Variants in CNTNAP5 observed in about 807,000 individuals in gnomAD.
CNTNAP5 encodes contactin associated protein family member 5, also known as contactin-associated protein-like 5.
Under a neutral mutation model 150.2 loss-of-function variants are expected in CNTNAP5, and 72 were observed. The observed-to-expected ratio is 0.48, with a 90% CI of 0.40 to 0.58. The LOEUF is 0.58. Among genes scored for constraint, CNTNAP5 ranks in the 20% least tolerant of loss-of-function variants. The probability of loss-of-function intolerance (pLI) is 0.00; values close to 1 mark genes in which losing one functional copy is unlikely to be tolerated. For missense variants in CNTNAP5, 1,636 were observed against 1,626.2 expected (o/e 1.01, Z -0.10); for synonymous variants, 672 against 619.8 (o/e 1.08, Z -1.25).
intron 7 of CNTNAP5, among the ~76,000 whole-genome samples, chr2:124,501,794 G>T (rs2104860450): frequency 6.6e-6 from 1 of 152,334 alleles, no homozygotes; most frequent in East Asian, 1.9e-4. Context: ...AGGAAACTGA[G>T]CTGCCAACAC....
At chr2:124,749,347 CTCCTTCCCTCTCTCCG>C (rs1463781223) in intron 14 of CNTNAP5, among the ~76,000 whole-genome samples, 5 of 151,682 alleles carry the variant, frequency 3.3e-5, no homozygotes, top group South Asian at 2.1e-4. Flanking sequence ...CCCCTCCCTC[CTCCTTCCCTCTCTCCG>C]TCCTTCCCTC....
chr2:124,530,753 C>G (rs1235465182), intron 10 of CNTNAP5, among the ~76,000 whole-genome samples: 2 of 152,134 alleles, frequency 1.3e-5, no homozygotes, highest in Non-Finnish European at 2.9e-5. Context: ...ACACTGTGCC[C>G]TGTTCACGGT....
At chr2:124,553,503 CAAAA>C (rs34211914) in intron 10 of CNTNAP5, among the ~76,000 whole-genome samples, 13 of 119,516 alleles carry the variant, frequency 1.1e-4, no homozygotes, top group East Asian at 2.7e-4. Context: ...GACTCTGTCT[CAAAA>C]AAAAAAAAAA....
intron 1 of CNTNAP5, among the ~76,000 whole-genome samples, chr2:124,064,881 T>C (rs1218755356): frequency 2.0e-5 from 3 of 152,186 alleles, no homozygotes; most frequent in African/African-American, 7.2e-5. Context: ...AGGTTTCATA[T>C]ACAATGTTAC....
intron 6 of CNTNAP5, among the ~76,000 whole-genome samples, chr2:124,474,439 G>T (rs949721365): frequency 6.6e-6 from 1 of 151,940 alleles, no homozygotes; most frequent in African/African-American, 2.4e-5. Context: ...TAAAGACATT[G>T]ATTTTCTTTT....
intron 1 of CNTNAP5, among the ~76,000 whole-genome samples, chr2:124,194,390 TATATATATATATATATATATAA>T (rs1294223416): frequency 0.02 from 277 of 13,692 alleles, 5 homozygotes; most frequent in African/African-American, 0.048. Context: ...TATATATATA[TATATATATATATATATATATAA>T]ATATAAATAG....
intron 19 of CNTNAP5, among the ~76,000 whole-genome samples, chr2:124,826,823 C>T (rs922728009): frequency 6.6e-6 from 1 of 152,170 alleles, no homozygotes; most frequent in African/African-American, 2.4e-5. Context: ...TGTGTACCTT[C>T]CCAGACCTCT....
rs928746178 is a variant in CNTNAP5 at position 124,713,261 on chromosome 2, C to G, written c.2078-33968C>G. Reference sequence around the variant, plus strand: ...TTTCTTTCTCTTTCTTTCTTTCTTTCTTTCTTTCTTTCTTTCTTTCTTTCT... The same window carrying G: ...TTTCTTTCTCTTTCTTTCTTTCTTTGTTTCTTTCTTTCTTTCTTTCTTTCT... On this transcript the variant is annotated intron_variant, in intron 13 of 23. Transcript: ENST00000682447. 9.7e-5 allele frequency among the ~76,000 whole-genome samples: 10 copies of G among 102,836 alleles called. 1 individual carries two copies. The highest frequency in any genetic ancestry group is 3.2e-4 in the African/African-American group (10 of 30,960). 67.5% of individuals were successfully genotyped at this position (102,836 alleles called of 152,430 possible).
At chr2:124,835,343 T>C (rs1682807173) in intron 19 of CNTNAP5, among the ~76,000 whole-genome samples, 1 of 152,164 alleles carries the variant, frequency 6.6e-6, no homozygotes, top group African/African-American at 2.4e-5. Flanking sequence ...ATTATTGCCC[T>C]GTGTAAATTC....
At chr2:124,823,200 G>T (rs553830490) in intron 19 of CNTNAP5, among the ~76,000 whole-genome samples, 2 of 152,316 alleles carry the variant, frequency 1.3e-5, no homozygotes, top group East Asian at 3.9e-4. Context: ...CAGATATGAA[G>T]TAGGCTTAGA....
intron 8 of CNTNAP5, among the ~76,000 whole-genome samples, chr2:124,523,525 G>A (rs1324442890): frequency 2.0e-5 from 3 of 152,102 alleles, no homozygotes; most frequent in Admixed American, 1.3e-4. Flanking sequence ...TTTCAGTAAG[G>A]TAGGTCAGCA....
At chr2:124,629,404 G>A (rs1677798267) in intron 12 of CNTNAP5, among the ~76,000 whole-genome samples, 1 of 152,020 alleles carries the variant, frequency 6.6e-6, no homozygotes, top group Non-Finnish European at 1.5e-5. Flanking sequence ...AAGATTGAAA[G>A]GTCCACTCAA....
At position 124,691,701 on chromosome 2, in the gene CNTNAP5, C is replaced by A. The variant is rs895212121; in HGVS notation, c.2077+43743C>A. Reference sequence around the variant, plus strand: ...TCATGGGTGAATTAATCATTCCATGCGCTCAGTGGTCCCAGTTTTCTTCAA... The same window carrying A: ...TCATGGGTGAATTAATCATTCCATGAGCTCAGTGGTCCCAGTTTTCTTCAA... On this transcript the variant is annotated intron_variant, in intron 13 of 23. Transcript: ENST00000682447. Among the ~76,000 whole-genome samples, 7 of 152,132 alleles carry A rather than the reference C, an allele frequency of 4.6e-5. No homozygotes were observed. In the South Asian group the frequency reaches 6.2e-4, roughly 14 times the overall value.
At chr2:124,513,094 A>G (rs1310789345) in intron 8 of CNTNAP5, among the ~76,000 whole-genome samples, 1 of 152,184 alleles carries the variant, frequency 6.6e-6, no homozygotes, top group Non-Finnish European at 1.5e-5. Flanking sequence ...AGGCTGCTAT[A>G]AGAAAATATC....
chr2:124,662,109 G>C (rs1678604889), intron 13 of CNTNAP5, among the ~76,000 whole-genome samples: 1 of 152,066 alleles, frequency 6.6e-6, no homozygotes, highest in Non-Finnish European at 1.5e-5. Flanking sequence ...GTGTTTTGCT[G>C]AGAATGATGG....
intron 1 of CNTNAP5, among the ~76,000 whole-genome samples, chr2:124,068,997 CCAG>C (rs1682233854): frequency 6.6e-6 from 1 of 152,052 alleles, no homozygotes. Context: ...ACTTCAAGTA[CCAG>C]CTTGGCTACA....
chr2:124,860,265 G>T (rs967968326), intron 19 of CNTNAP5, among the ~76,000 whole-genome samples: 2 of 151,950 alleles, frequency 1.3e-5, no homozygotes, highest in African/African-American at 2.4e-5. Context: ...CAGGAGAATG[G>T]TGTGAACCCG....
chr2:124,469,798 T>C (rs1371087482), intron 6 of CNTNAP5, among the ~76,000 whole-genome samples: 2 of 152,166 alleles, frequency 1.3e-5, no homozygotes, highest in African/African-American at 2.4e-5. Flanking sequence ...ATCATTCAGC[T>C]CCCAATTATA....
chr2:124,618,676 A>C (rs1360397300), intron 12 of CNTNAP5, among the ~76,000 whole-genome samples: 2 of 152,164 alleles, frequency 1.3e-5, no homozygotes, highest in Admixed American at 6.6e-5. Context: ...CTTCCTGCGC[A>C]CAGAGAAGGC....
Sources: allele counts gnomAD v4.1 joint callset (sites outside exome capture counted in the v4.1 genomes callset), GRCh38; gene constraint gnomAD v4.1.1; transcripts MANE v1.5; gene names NCBI Gene and HGNC (gene_info 2026-07-23, HGNC 2026-07-21).